Variants in CDC42BPB observed in about 807,000 individuals in gnomAD.
CDC42BPB encodes the protein CDC42 binding protein kinase beta.
A neutral mutation model predicts 214.9 loss-of-function variants in CDC42BPB; 37 were observed. That is an observed-to-expected ratio of 0.17 (90% confidence interval 0.13 to 0.23). The LOEUF is 0.23. CDC42BPB is among the 10% of genes least tolerant of loss of function. The pLI is 1.00. For missense variants in CDC42BPB, 1,694 were observed against 2,227.0 expected (o/e 0.76, Z 4.82); for synonymous variants, 931 against 884.0 (o/e 1.05, Z -0.94).
chr14:103,057,381 G>A lies in CDC42BPB; in HGVS notation c.-208C>T. 1.6e-5 allele frequency: 15 copies of A among 946,632 alleles called. No homozygotes were observed. Among genetic ancestry groups the A allele is most frequent in the Non-Finnish European group, 1.9e-5 (15 of 791,806 alleles). 58.6% of individuals were successfully genotyped at this position (946,632 alleles called of 1,614,324 possible). ...AGAGTCTGGGGCGCCGGGCCCCGCG[G>A]GTCCATGGGCCGCTCTCCTCCCCTC... On this transcript the variant is annotated 5_prime_UTR_variant, in exon 1 of 37. Coordinates refer to ENST00000361246, the MANE Select transcript of CDC42BPB (RefSeq NM_006035.4).
intron 6 of CDC42BPB, among the ~76,000 whole-genome samples, chr14:102,984,617 A>C (rs954523264): frequency 3.3e-5 from 5 of 152,084 alleles, no homozygotes; most frequent in Non-Finnish European, 7.4e-5. Context: ...ACCTCAGAGC[A>C]AGCGGGAGGA....
Position 103,057,408 on chromosome 14 carries a change from G to GCGC in CDC42BPB, c.-238_-236dup. The GCGC allele has an allele frequency of 3.8e-6, 3 of 793,158 alleles. No individual in the cohort carries two copies. Among genetic ancestry groups the GCGC allele is most frequent in the Non-Finnish European group, 4.6e-6 (3 of 655,028 alleles). 49.1% of individuals were successfully genotyped at this position (793,158 alleles called of 1,614,324 possible). ...TCCATGGGCCGCTCTCCTCCCCTCG[G>GCGC]CGCCGCCGCCCTCCCAGCTCGGGCG... On this transcript the variant is annotated 5_prime_UTR_variant, in exon 1 of 37. Coordinates refer to ENST00000361246, the MANE Select transcript of CDC42BPB (RefSeq NM_006035.4).
intron 1 of CDC42BPB, among the ~76,000 whole-genome samples, chr14:103,039,684 C>T (rs952150129): frequency 6.6e-6 from 1 of 152,238 alleles, no homozygotes; most frequent in Non-Finnish European, 1.5e-5. Flanking sequence ...GAAGGCTACA[C>T]GCTTTCTCCC....
chr14:102,960,616 AAAAAAACACATATC>A (rs1349197335), intron 20 of CDC42BPB, among the ~76,000 whole-genome samples: 1 of 152,034 alleles, frequency 6.6e-6, no homozygotes, highest in Admixed American at 6.6e-5. Context: ...TCACACACAC[AAAAAAACACATATC>A]AAAAAACAAG....
chr14:102,957,995 C>G (rs1021280859), intron 21 of CDC42BPB, among the ~76,000 whole-genome samples: 4 of 152,228 alleles, frequency 2.6e-5, no homozygotes, highest in African/African-American at 9.6e-5. Context: ...AGTGGACATT[C>G]TGCAGGACAA....
At chr14:102,953,546 A>T (rs1314585655) in intron 23 of CDC42BPB, among the ~76,000 whole-genome samples, 1 of 152,232 alleles carries the variant, frequency 6.6e-6, no homozygotes, top group Non-Finnish European at 1.5e-5. Context: ...TGTCTACATT[A>T]ACAACAACAA....
In CDC42BPB at chr14:102,966,394, G is replaced by C; in HGVS notation, c.2472-7C>G. The C allele has an allele frequency of 6.2e-7, 1 of 1,612,988 alleles. No homozygotes were observed. Among genetic ancestry groups the C allele is most frequent in the Non-Finnish European group, 8.5e-7 (1 of 1,179,192 alleles). On this transcript the variant is annotated splice_polypyrimidine_tract_variant and splice_region_variant and intron_variant, in intron 17 of 36. Coordinates refer to ENST00000361246, the MANE Select transcript of CDC42BPB (RefSeq NM_006035.4). Reference sequence around the variant, plus strand: ...ATCTTTCTCGTCACTGACCCTGGAGGAGGGAACAGATGTTCTATCTCACGA... The same window carrying C: ...ATCTTTCTCGTCACTGACCCTGGAGCAGGGAACAGATGTTCTATCTCACGA...
At chr14:103,050,798 ACT>A (rs1353769678) in intron 1 of CDC42BPB, among the ~76,000 whole-genome samples, 3 of 151,896 alleles carry the variant, frequency 2.0e-5, no homozygotes, top group African/African-American at 4.8e-5. Flanking sequence ...CCAACCTATG[ACT>A]CTGCAATTTT....
chr14:102,974,189 A>G, intron 11 of CDC42BPB, 40 bp from the exon 12 acceptor site: 1 of 1,605,200 alleles, frequency 6.2e-7, no homozygotes, highest in Non-Finnish European at 8.5e-7. Context: ...CTTTATGTGC[A>G]ATGACTATAT....
intron 1 of CDC42BPB, among the ~76,000 whole-genome samples, chr14:103,051,020 A>C (rs1316296717): frequency 6.6e-6 from 1 of 152,122 alleles, no homozygotes; most frequent in Non-Finnish European, 1.5e-5. Flanking sequence ...AGTTTTAATC[A>C]AAAAACAATT....
At chr14:103,014,128 T>C (rs1886321122) in intron 1 of CDC42BPB, among the ~76,000 whole-genome samples, 1 of 144,190 alleles carries the variant, frequency 6.9e-6, no homozygotes, top group African/African-American at 2.6e-5. Context: ...ATCGTGCCAC[T>C]GCACTCTAGC....
At chr14:102,997,627 C>T (rs1047360575) in intron 5 of CDC42BPB, among the ~76,000 whole-genome samples, 4 of 152,152 alleles carry the variant, frequency 2.6e-5, no homozygotes, top group African/African-American at 4.8e-5. Context: ...ATGTCCGGTA[C>T]GGAGCTTCAT....
intron 19 of CDC42BPB, among the ~76,000 whole-genome samples, chr14:102,964,050 C>T (rs955380321): frequency 1.3e-5 from 2 of 152,176 alleles, no homozygotes; most frequent in Non-Finnish European, 2.9e-5. Flanking sequence ...CTCGTTACTG[C>T]TTGGAGTTAG....
chr14:102,994,188 A>T (rs1894621359), intron 5 of CDC42BPB, among the ~76,000 whole-genome samples: 1 of 152,094 alleles, frequency 6.6e-6, no homozygotes, highest in South Asian at 2.1e-4. Flanking sequence ...AATTCCCTAT[A>T]AAACAGGGAT....
At chr14:103,012,071 A>G in intron 2 of CDC42BPB, 26 bp downstream of exon 2, 3 of 1,522,490 alleles carry the variant, frequency 2.0e-6, no homozygotes, top group Non-Finnish European at 1.8e-6. Flanking sequence ...ATTTAGGCAA[A>G]GTTAACAAAA....
Position 103,041,766 on chromosome 14 carries a change from G to C in CDC42BPB, c.175+15233C>G. 6.1e-6 allele frequency: 3 copies of C among 494,146 alleles called. No homozygotes were observed. In the South Asian group the frequency reaches 6.5e-5, roughly 11 times the overall value. The allele number at this position is 494,146 out of a possible 1,614,324, so 30.6% of individuals were successfully genotyped here. On this transcript the variant is annotated intron_variant, in intron 1 of 36. Transcript: ENST00000361246. The stretch of plus-strand genomic sequence containing the variant: ...CCATTAGCATCTCTGTGGATCCAAG[G>C]AGGCAGTACGAGTCCACCGAGTCCC...
intron 16 of CDC42BPB, chr14:102,967,470 A>C: frequency 2.0e-6 from 1 of 508,418 alleles, no homozygotes; most frequent in Non-Finnish European, 2.5e-6. Context: ...TCAAAAATTA[A>C]AACAGTCACG....
chr14:103,020,660 G>A (rs1418445389), intron 1 of CDC42BPB, among the ~76,000 whole-genome samples: 1 of 152,200 alleles, frequency 6.6e-6, no homozygotes, highest in Non-Finnish European at 1.5e-5. Flanking sequence ...GGCACATGCT[G>A]AACCCCCGTG....
rs199509422 is a variant in CDC42BPB, at chr14:102,954,591, C to T, written c.2988+11G>A. On this transcript the variant is annotated intron_variant, in intron 22 of 36. Coordinates refer to ENST00000361246, the MANE Select transcript of CDC42BPB (RefSeq NM_006035.4). ...CCAGGTGGGAGCATCACCAGGGCAA[C>T]GCTGTCTCACCTCCTGCTGCTCTGA... is the stretch of plus-strand genomic sequence containing the variant. 53 of 1,609,474 alleles carry T rather than the reference C, an allele frequency of 3.3e-5. No individual in the cohort carries two copies. Among genetic ancestry groups the T allele is most frequent in the African/African-American group, 6.7e-5 (5 of 74,976 alleles).
Sources: allele counts gnomAD v4.1 joint callset (sites outside exome capture counted in the v4.1 genomes callset), GRCh38; gene constraint gnomAD v4.1.1; transcripts MANE v1.5; gene names NCBI Gene and HGNC (gene_info 2026-07-23, HGNC 2026-07-21).